Variants in COPG2 observed in about 807,000 individuals in gnomAD.
COPG2 encodes coatomer subunit gamma-2.
In COPG2, 37 loss-of-function variants were observed where a neutral mutation model predicts 46.3. The observed-to-expected ratio is 0.80, with a 90% CI of 0.61 to 1.05. The LOEUF (loss-of-function observed/expected upper bound fraction) is 1.05. Among genes scored for constraint, COPG2 ranks in the 50% least tolerant of loss-of-function variants. COPG2 has a pLI of 0.00. For missense variants in COPG2, 427 were observed against 387.8 expected, an observed-to-expected ratio of 1.10 and a Z score of -0.85; for synonymous variants, 159 against 129.7, an observed-to-expected ratio of 1.23 and a Z score of -1.53.
intron 5 of COPG2, among the ~76,000 whole-genome samples, chr7:130,627,276 G>A (rs1414384264): frequency 6.6e-6 from 1 of 152,160 alleles, no homozygotes; most frequent in Non-Finnish European, 1.5e-5. Flanking sequence ...AAAAGAGAAC[G>A]CAGATAAGCT....
chr7:130,640,158 C>CT (rs11431866), intron 5 of COPG2, among the ~76,000 whole-genome samples: 40,901 of 96,486 alleles, frequency 0.42, 11,922 homozygotes, highest in East Asian at 0.57. Flanking sequence ...CACCACCAAC[C>CT]TTTTTTTTTT....
chr7:130,610,763 A>G lies in COPG2; in HGVS notation c.737+190T>C, dbSNP rs1794831956. Reference sequence around the variant, plus strand: ...ATGTGCTATTAATAATTAAGTACATATACAAGAGCATACAGTAAGGTTAAA... The same window carrying G: ...ATGTGCTATTAATAATTAAGTACATGTACAAGAGCATACAGTAAGGTTAAA... On this transcript the variant is annotated intron_variant, in intron 9 of 23. Coordinates refer to ENST00000425248, the MANE Select transcript of COPG2 (RefSeq NM_012133.6). 3 of 680,778 alleles carry G rather than the reference A, an allele frequency of 4.4e-6. No individual in the cohort carries two copies. In the East Asian group the frequency reaches 8.1e-5, roughly 18 times the overall value. The allele number at this position is 680,778 out of a possible 1,614,324, so 42.2% of individuals were successfully genotyped here.
chr7:130,620,799 G>C (rs1018934035), intron 5 of COPG2, among the ~76,000 whole-genome samples: 60 of 152,302 alleles, frequency 3.9e-4, no homozygotes, highest in African/African-American at 1.3e-3. Context: ...AATGGGTTTA[G>C]ATTTTGGAAG....
At chr7:130,516,880 G>C (rs1270668053) in intron 20 of COPG2, among the ~76,000 whole-genome samples, 6 of 152,304 alleles carry the variant, frequency 3.9e-5, no homozygotes, top group African/African-American at 1.4e-4. Flanking sequence ...GGGCAGGCCA[G>C]TGGCAAGAAT....
At chr7:130,633,784 A>C (rs1234693555) in intron 5 of COPG2, among the ~76,000 whole-genome samples, 1 of 152,138 alleles carries the variant, frequency 6.6e-6, no homozygotes, top group African/African-American at 2.4e-5. Context: ...TTAGTCATGA[A>C]GTCTTTGCCC....
At chr7:130,537,198 A>C (rs1377060558) in intron 20 of COPG2, among the ~76,000 whole-genome samples, 5 of 152,088 alleles carry the variant, frequency 3.3e-5, no homozygotes, top group Non-Finnish European at 7.4e-5. Flanking sequence ...GGCTCCCCAG[A>C]GTGTTTTTCC....
At chr7:130,625,763 TC>T (rs1795108078) in intron 5 of COPG2, among the ~76,000 whole-genome samples, 1 of 152,114 alleles carries the variant, frequency 6.6e-6, no homozygotes, top group Non-Finnish European at 1.5e-5. Context: ...GATATGTTTT[TC>T]TATTTTTTCC....
intron 12 of COPG2, among the ~76,000 whole-genome samples, chr7:130,557,496 A>G (rs1793645743): frequency 6.6e-6 from 1 of 152,166 alleles, no homozygotes. Context: ...ACAACTTGAT[A>G]CTAAAGTTCA....
At position 130,506,710 on chromosome 7, in the gene COPG2, G is replaced by A. The variant is rs1554440134; in HGVS notation, c.2582C>T (p.Thr861Ile). The change falls in exon 24 of 24, where the codon ACA (threonine) becomes ATA (isoleucine). Residue 861 changes from threonine to isoleucine, a missense_variant. Coordinates refer to ENST00000425248, the MANE Select transcript of COPG2 (RefSeq NM_012133.6). Reference sequence around the variant, plus strand: ...AGAAGCTAAGATAACATCTACAGGTGTTCTCTCTTTACTTCTGACAGTCAC... The same window carrying A: ...AGAAGCTAAGATAACATCTACAGGTATTCTCTCTTTACTTCTGACAGTCAC... Reference protein sequence around the residue: ...MQVTVRSKERTPVDVILASVG With the variant: ...MQVTVRSKERIPVDVILASVG The A allele has an allele frequency of 2.6e-6, 2 of 780,408 alleles. No individual in the cohort carries two copies. The highest frequency in any genetic ancestry group is 4.8e-5 in the East Asian group (2 of 41,238). The allele number at this position is 780,408 out of a possible 1,614,324, so 48.3% of individuals were successfully genotyped here.
intron 5 of COPG2, among the ~76,000 whole-genome samples, chr7:130,636,084 C>G (rs1434244994): frequency 1.3e-5 from 2 of 152,110 alleles, no homozygotes; most frequent in African/African-American, 4.8e-5. Flanking sequence ...CTTATGATTT[C>G]TGTTCTTTTG....
chr7:130,596,619 A>G (rs567186601), intron 9 of COPG2, among the ~76,000 whole-genome samples: 1 of 152,254 alleles, frequency 6.6e-6, no homozygotes, highest in African/African-American at 2.4e-5. Context: ...GAACATGGAC[A>G]ACTGTCTCCC....
intron 5 of COPG2, 35 bp downstream of exon 5, chr7:130,652,834 A>G: frequency 7.6e-7 from 1 of 1,313,340 alleles, no homozygotes; most frequent in Non-Finnish European, 1.1e-6. Context: ...GCAAATATAT[A>G]AGTATCTCAT....
chr7:130,536,573 G>A lies in COPG2; in HGVS notation c.2149+11101C>T, dbSNP rs1035489601. On this transcript the variant is annotated intron_variant, in intron 20 of 23. Coordinates refer to ENST00000425248, the MANE Select transcript of COPG2 (RefSeq NM_012133.6). Reference sequence around the variant, plus strand: ...GGCTTCCTCGGGGTCCTGCATCCTCGGGTGAGAATCACTGGTGGACGCGGG... The same window carrying A: ...GGCTTCCTCGGGGTCCTGCATCCTCAGGTGAGAATCACTGGTGGACGCGGG... Among the ~76,000 whole-genome samples the A allele has an allele frequency of 4.4e-4, 67 of 152,322 alleles. 1 individual carries two copies. Among genetic ancestry groups the A allele is most frequent in the Non-Finnish European group, 3.2e-4 (22 of 68,026 alleles).
intron 20 of COPG2, among the ~76,000 whole-genome samples, chr7:130,537,638 T>G (rs1359289448): frequency 1.3e-5 from 2 of 151,722 alleles, no homozygotes; most frequent in Non-Finnish European, 2.9e-5. Context: ...GAAGAATGAG[T>G]TGGAGCAGGT....
At chr7:130,508,861 C>T (rs573159691) in intron 20 of COPG2, among the ~76,000 whole-genome samples, 5 of 152,252 alleles carry the variant, frequency 3.3e-5, no homozygotes, top group African/African-American at 4.8e-5. Flanking sequence ...GTCTATTCCA[C>T]GCTGTGGGTT....
At chr7:130,507,181 G>A (rs1048066577) in intron 23 of COPG2, 93 bp downstream of exon 23, 7 of 740,572 alleles carry the variant, frequency 9.5e-6, no homozygotes, top group African/African-American at 1.7e-5. Context: ...ATAATGGGAT[G>A]ATGGGACAAC....
intron 9 of COPG2, among the ~76,000 whole-genome samples, chr7:130,608,502 A>AAT (rs1244269381): frequency 3.3e-5 from 5 of 152,160 alleles, no homozygotes; most frequent in African/African-American, 9.7e-5. Flanking sequence ...TGCAGACACA[A>AAT]ATCCTTTCGG....
At chr7:130,644,395 AG>A (rs1323598558) in intron 5 of COPG2, among the ~76,000 whole-genome samples, 1 of 152,216 alleles carries the variant, frequency 6.6e-6, no homozygotes, top group Non-Finnish European at 1.5e-5. Flanking sequence ...GTAGAAAGTT[AG>A]CCCTTTTCTA....
intron 9 of COPG2, among the ~76,000 whole-genome samples, chr7:130,576,761 G>C (rs553006700): frequency 6.6e-6 from 1 of 152,006 alleles, no homozygotes; most frequent in South Asian, 2.1e-4. Flanking sequence ...ACTAAGATCA[G>C]AGCAAAACTA....
Sources: allele counts gnomAD v4.1 joint callset (sites outside exome capture counted in the v4.1 genomes callset), GRCh38; gene constraint gnomAD v4.1.1; transcripts MANE v1.5; gene names NCBI Gene and HGNC (gene_info 2026-07-23, HGNC 2026-07-21).